The following ZMAT4 variants were observed in gnomAD, a reference collection of about 807,000 sequenced individuals.
The protein encoded by ZMAT4 is zinc finger matrin-type 4, also known as zinc finger matrin-type protein 4.
A neutral mutation model predicts 28.7 loss-of-function variants in ZMAT4; 17 were observed. The observed-to-expected ratio is 0.59, with a 90% CI of 0.41 to 0.89. The LOEUF (loss-of-function observed/expected upper bound fraction) is 0.89, where lower values mean the gene tolerates loss of function less well. ZMAT4 is among the 40% of genes least tolerant of loss of function. The probability of loss-of-function intolerance (pLI) is 0.00; values close to 1 mark genes in which losing one functional copy is unlikely to be tolerated. For missense variants in ZMAT4, 240 were observed against 283.8 expected (o/e 0.85, Z 1.11); for synonymous variants, 117 against 109.2 (o/e 1.07, Z -0.44).
intron 5 of ZMAT4, among the ~76,000 whole-genome samples, chr8:40,608,480 A>G (rs1326755319): frequency 2.6e-5 from 4 of 152,138 alleles, no homozygotes; most frequent in African/African-American, 9.7e-5. Flanking sequence ...GGCTGAGAAT[A>G]AGTCCCATGC....
At chr8:40,711,649 C>T (rs996225081) in intron 3 of ZMAT4, among the ~76,000 whole-genome samples, 3 of 152,096 alleles carry the variant, frequency 2.0e-5, no homozygotes, top group Admixed American at 6.5e-5. Flanking sequence ...GAAAAAGAAA[C>T]CTGCAGACTA....
intron 2 of ZMAT4, among the ~76,000 whole-genome samples, chr8:40,784,332 C>T (rs945081241): frequency 6.6e-6 from 1 of 152,118 alleles, no homozygotes; most frequent in Non-Finnish European, 1.5e-5. Flanking sequence ...ATATCTAAAT[C>T]AATGCGGAAA....
chr8:40,824,528 G>A (rs1194850988), intron 2 of ZMAT4, among the ~76,000 whole-genome samples: 2 of 151,162 alleles, frequency 1.3e-5, no homozygotes, highest in African/African-American at 4.9e-5. Flanking sequence ...TCTTTTGAAA[G>A]CAGAACATGC....
At chr8:40,846,912 A>G (rs1024977619) in intron 1 of ZMAT4, among the ~76,000 whole-genome samples, 2 of 152,216 alleles carry the variant, frequency 1.3e-5, no homozygotes, top group Non-Finnish European at 2.9e-5. Context: ...CCTTATAAAA[A>G]AGGAGTGGGG....
At chr8:40,883,665 T>G (rs1818355287) in intron 1 of ZMAT4, among the ~76,000 whole-genome samples, 1 of 152,136 alleles carries the variant, frequency 6.6e-6, no homozygotes, top group South Asian at 2.1e-4. Flanking sequence ...GCAAGAGATC[T>G]CGAAAGCAAA....
At position 40,727,920 on chromosome 8, in the gene ZMAT4, A is replaced by C. The variant is rs28662927; in HGVS notation, c.193-30519T>G. 4.7e-3 allele frequency among the ~76,000 whole-genome samples: 714 copies of C among 152,328 alleles called. 2 individuals are homozygous for C. The highest frequency in any genetic ancestry group is 0.016 in the African/African-American group (680 of 41,578). ...AATAACATTTTATTTATTTTTTATA[A>C]GCTGAATTTTTATGCAAAGAATATG... On this transcript the variant is annotated intron_variant, in intron 3 of 6. Coordinates refer to ENST00000297737, the MANE Select transcript of ZMAT4 (RefSeq NM_024645.3).
At chr8:40,738,160 A>G (rs951343080) in intron 3 of ZMAT4, among the ~76,000 whole-genome samples, 4 of 152,212 alleles carry the variant, frequency 2.6e-5, no homozygotes, top group African/African-American at 9.6e-5. Flanking sequence ...TATATATTGC[A>G]TTTTAATACA....
At chr8:40,623,641 A>G (rs1023686411) in intron 5 of ZMAT4, among the ~76,000 whole-genome samples, 4 of 152,176 alleles carry the variant, frequency 2.6e-5, no homozygotes, top group Admixed American at 2.0e-4. Context: ...TGTGTACAAG[A>G]AACTGAATCA....
chr8:40,651,941 T>C (rs1425270825), intron 5 of ZMAT4, among the ~76,000 whole-genome samples: 12 of 120,296 alleles, frequency 1.0e-4, no homozygotes, highest in African/African-American at 3.6e-4. Context: ...TCAAGATGGA[T>C]TAAAGACTTA....
chr8:40,576,933 C>T (rs569804183), intron 6 of ZMAT4, among the ~76,000 whole-genome samples: 1 of 152,292 alleles, frequency 6.6e-6, no homozygotes, highest in East Asian at 1.9e-4. Flanking sequence ...GTGGCTCACA[C>T]CTGTAATCCC....
rs200158328 is a variant in ZMAT4, at chr8:40,867,259, A to AAT, written c.-5+30422_-5+30423dup. Among the ~76,000 whole-genome samples the AAT allele has an allele frequency of 6.3e-4, 96 of 152,194 alleles. 1 individual carries two copies. The East Asian group carries it at 0.013, about 20-fold the overall frequency. The stretch of plus-strand genomic sequence containing the variant: ...TAATGGTAGCTGATGAGCTAAAAGA[A>AAT]ATATATATATATCATAATATTCTAA... On this transcript the variant is annotated intron_variant, in intron 1 of 6. Transcript: ENST00000297737.
chr8:40,889,191 C>T (rs944795654), intron 1 of ZMAT4, among the ~76,000 whole-genome samples: 1 of 152,186 alleles, frequency 6.6e-6, no homozygotes, highest in South Asian at 2.1e-4. Context: ...GGGAATGCAG[C>T]GAAGAGGAAG....
chr8:40,631,779 T>C (rs1806592656), intron 5 of ZMAT4, among the ~76,000 whole-genome samples: 1 of 152,166 alleles, frequency 6.6e-6, no homozygotes, highest in Non-Finnish European at 1.5e-5. Flanking sequence ...TCTTAAGCCA[T>C]TGGATGGGAA....
In ZMAT4 at chr8:40,601,468, G is replaced by GAAAGAAAGAAAAAAGAAA. The variant is rs1563359930; in HGVS notation, c.578-20208_578-20207insTTTCTTTTTTCTTTCTTT. On this transcript the variant is annotated intron_variant, in intron 5 of 6. Coordinates refer to ENST00000297737, the MANE Select transcript of ZMAT4 (RefSeq NM_024645.3). ...AGGAAGGAAGGAAGGGAGGAAGAAA[G>GAAAGAAAGAAAAAAGAAA]GAAAGAAAGAAAGAAAGAAAGAAAG... Among the ~76,000 whole-genome samples, 10 of 19,986 alleles carry GAAAGAAAGAAAAAAGAAA rather than the reference G, an allele frequency of 5.0e-4. 1 individual carries two copies. The highest frequency in any genetic ancestry group is 1.6e-3 in the African/African-American group (9 of 5,618). The allele number at this position is 19,986 out of a possible 152,430, so 13.1% of individuals were successfully genotyped here.
At chr8:40,868,738 T>C (rs1009613708) in intron 1 of ZMAT4, among the ~76,000 whole-genome samples, 1 of 152,196 alleles carries the variant, frequency 6.6e-6, no homozygotes, top group Admixed American at 6.5e-5. Context: ...TAATGCTGCA[T>C]TCTTGCCTTA....
chr8:40,761,579 C>T (rs1471608350), intron 3 of ZMAT4, among the ~76,000 whole-genome samples: 2 of 152,194 alleles, frequency 1.3e-5, no homozygotes, highest in Non-Finnish European at 2.9e-5. Flanking sequence ...CAAATTAGCC[C>T]TTGATTGTTT....
intron 1 of ZMAT4, among the ~76,000 whole-genome samples, chr8:40,843,028 C>T (rs1474497206): frequency 6.6e-6 from 1 of 152,172 alleles, no homozygotes; most frequent in Non-Finnish European, 1.5e-5. Context: ...CTACCCACCT[C>T]AGCCTCCCAA....
In ZMAT4 at chr8:40,833,540, C is replaced by CAAAAAAAAAAAAAAAAAAAA. The variant is rs57458575; in HGVS notation, c.-4-7861_-4-7860insTTTTTTTTTTTTTTTTTTTT. ...CCGAGATCATACCACTACACTCCAG[C>CAAAAAAAAAAAAAAAAAAAA]AAAAAAAAAAAAAAAAAAGACATGA... On this transcript the variant is annotated intron_variant, in intron 1 of 6. Transcript: ENST00000297737. Among the ~76,000 whole-genome samples, 52 of 87,052 alleles carry CAAAAAAAAAAAAAAAAAAAA rather than the reference C, an allele frequency of 6.0e-4. 3 individuals are homozygous for CAAAAAAAAAAAAAAAAAAAA. The highest frequency in any genetic ancestry group is 9.5e-4 in the South Asian group (2 of 2,102). The allele number at this position is 87,052 out of a possible 152,430, so 57.1% of individuals were successfully genotyped here. A position where few individuals can be genotyped will look rare whatever the true frequency, so the allele number is the denominator to read the frequency against.
intron 2 of ZMAT4, among the ~76,000 whole-genome samples, chr8:40,820,211 T>A (rs1234132041): frequency 6.6e-6 from 1 of 151,654 alleles, no homozygotes; most frequent in Non-Finnish European, 1.5e-5. Context: ...TGTGTGTTTA[T>A]GTGTGCATTT....
Sources: gnomAD v4.1 joint callset for allele counts (sites outside exome capture counted in the v4.1 genomes callset) on GRCh38, gnomAD v4.1.1 for gene constraint, MANE v1.5 for transcripts, NCBI Gene and HGNC (gene_info 2026-07-23, HGNC 2026-07-21) for gene names.